CCNT1: variants seen among roughly 807,000 people sequenced by gnomAD.
CCNT1 encodes the protein cyclin T1.
A neutral mutation model predicts 67.3 loss-of-function variants in CCNT1; 18 were observed. The observed-to-expected ratio is 0.27, with a 90% CI of 0.18 to 0.40. The LOEUF (loss-of-function observed/expected upper bound fraction) is 0.40. Ranked by LOEUF, CCNT1 falls within the 10% of genes least tolerant of loss-of-function variation. The pLI, the probability that CCNT1 is intolerant of heterozygous loss-of-function variation, is 1.00. For missense variants in CCNT1, 744 were observed against 884.9 expected (o/e 0.84, Z 2.02); for synonymous variants, 333 against 310.3 (o/e 1.07, Z -0.77).
At position 48,716,569 on chromosome 12, in the gene CCNT1, G is replaced by T. The variant is rs1050544434; in HGVS notation, c.107C>A (p.Ser36Tyr). Residue 36 changes from serine (S) to tyrosine (Y), a missense_variant, in exon 1 of 9, where the codon TCT becomes TAT. By Grantham distance (144) the Ser-to-Tyr change is moderately radical. This residue lies in a region of CCNT1 where 142 missense variants were observed against 277.0 expected (regional missense o/e 0.51). Coordinates refer to ENST00000261900, the MANE Select transcript of CCNT1 (RefSeq NM_001240.4). ...CAGATTGGCCGCCTGCTGGCGATAA[G>T]AAAGTTCTTTATCTGGGTCCACGCC... ...RFGVDPDKEL[S>Y]YRQQAANLLQ... 1 of 1,614,194 alleles carries T rather than the reference G, an allele frequency of 6.2e-7. No individual in the cohort carries two copies. Among genetic ancestry groups the T allele is most frequent in the Non-Finnish European group, 8.5e-7 (1 of 1,180,004 alleles).
rs1170065566 is a variant in CCNT1 at position 48,692,999 on chromosome 12, A to G, written c.*34T>C. ...AAAAAGAAAAATTATGTGTTTTTTT[A>G]AAGAAGTTTTTTTCTCCTCTTCTTT... On this transcript the variant is annotated 3_prime_UTR_variant, in exon 9 of 9. Transcript: ENST00000261900. 4.4e-6 allele frequency: 6 copies of G among 1,366,668 alleles called. No individual in the cohort carries two copies. The Admixed American group carries it at 1.1e-4, about 25-fold the overall frequency. 84.7% of individuals were successfully genotyped at this position (1,366,668 alleles called of 1,614,324 possible). A position where few individuals can be genotyped will look rare whatever the true frequency, so the allele number is the denominator to read the frequency against.
intron 2 of CCNT1, among the ~76,000 whole-genome samples, chr12:48,708,569 T>TTA (rs1383710080): frequency 2.6e-5 from 4 of 151,434 alleles, no homozygotes; most frequent in Non-Finnish European, 4.4e-5. Context: ...AAAAAAAAGT[T>TTA]TAGACACTAG....
rs1341867143 is a variant in CCNT1, at chr12:48,689,084, T to G, written c.*3949A>C. ...ATACTTGCTCTGGCTTCAATTAGCA[T>G]GCTGTCAAGCATCCCTCTCCATGCT... On this transcript the variant is annotated 3_prime_UTR_variant, in exon 9 of 9. Coordinates refer to ENST00000261900, the MANE Select transcript of CCNT1 (RefSeq NM_001240.4). The G allele has an allele frequency of 6.6e-6, 1 of 152,228 alleles. No individual in the cohort carries two copies. Among genetic ancestry groups the G allele is most frequent in the Non-Finnish European group, 1.5e-5 (1 of 68,040 alleles). 9.4% of individuals were successfully genotyped at this position (152,228 alleles called of 1,614,324 possible).
intron 4 of CCNT1, among the ~76,000 whole-genome samples, 188 bp from the exon 5 acceptor site, chr12:48,700,028 G>T (rs1021114142): frequency 3.9e-5 from 6 of 151,922 alleles, no homozygotes; most frequent in Non-Finnish European, 8.8e-5. Context: ...TAAGAAAAAA[G>T]TTAACTAGAG....
Position 48,691,852 on chromosome 12 carries a change from A to G in CCNT1, c.*1181T>C, listed in dbSNP as rs535198860. 11 of 152,328 alleles carry G rather than the reference A, an allele frequency of 7.2e-5. No homozygotes were observed. In the South Asian group the frequency reaches 2.1e-3, roughly 29 times the overall value. 9.4% of individuals were successfully genotyped at this position (152,328 alleles called of 1,614,324 possible). A position where few individuals can be genotyped will look rare whatever the true frequency, so the allele number is the denominator to read the frequency against. On this transcript the variant is annotated 3_prime_UTR_variant, in exon 9 of 9. Coordinates refer to ENST00000261900, the MANE Select transcript of CCNT1 (RefSeq NM_001240.4). ...AAAGCATGTCTTACATTTATAATGT[A>G]ATTTTTAAAACAATGTTCTAAACTT...
At chr12:48,697,058 TCC>T (rs1300437877) in intron 6 of CCNT1, among the ~76,000 whole-genome samples, 1 of 152,084 alleles carries the variant, frequency 6.6e-6, no homozygotes, top group Non-Finnish European at 1.5e-5. Flanking sequence ...GGTCTCGAAC[TCC>T]TAGCCTCAAG....
chr12:48,693,275 T>G lies in CCNT1; in HGVS notation c.1939A>C (p.Asn647His). 6.2e-7 allele frequency: 1 copy of G among 1,614,248 alleles called. No homozygotes were observed. Among genetic ancestry groups the G allele is most frequent in the Non-Finnish European group, 8.5e-7 (1 of 1,180,036 alleles). ...SKLDKGPTGANGHNTTQTIDY... is the reference protein window; with the variant it reads ...SKLDKGPTGAHGHNTTQTIDY... ...ATTGTCTGGGTCGTGTTGTGACCAT[T>G]GGCCCCAGTGGGCCCTTTATCCAGT... Residue 647 changes from asparagine to histidine, a missense_variant, in exon 9 of 9, where the codon AAT becomes CAT. This residue lies in a region of CCNT1 where 564 missense variants were observed against 574.2 expected (regional missense o/e 0.98). Coordinates refer to ENST00000261900, the MANE Select transcript of CCNT1 (RefSeq NM_001240.4).
At chr12:48,695,244 T>C (rs964089660) in intron 8 of CCNT1, among the ~76,000 whole-genome samples, 17 of 152,220 alleles carry the variant, frequency 1.1e-4, no homozygotes, top group Non-Finnish European at 4.4e-5. Flanking sequence ...AATGGAAACA[T>C]TTTAAAACAA....
chr12:48,711,334 G>A (rs1023183938), intron 2 of CCNT1, among the ~76,000 whole-genome samples: 2 of 151,530 alleles, frequency 1.3e-5, no homozygotes, highest in Non-Finnish European at 2.9e-5. Flanking sequence ...GAGCTCAGAT[G>A]GCGCCATTGC....
Position 48,700,565 on chromosome 12 carries a change from C to CA in CCNT1, c.433+447dup, listed in dbSNP as rs1565617828. Among the ~76,000 whole-genome samples the CA allele has an allele frequency of 1.3e-5, 2 of 152,072 alleles. 1 individual carries two copies. The highest frequency in any genetic ancestry group is 2.9e-5 in the Non-Finnish European group (2 of 68,016). On this transcript the variant is annotated intron_variant, in intron 4 of 8. Transcript: ENST00000261900. Reference sequence around the variant, plus strand: ...AAGGCAGCCTGTGTGATGAAAATAACAGATAATAACACAATATCATCAGAG... The same window carrying CA: ...AAGGCAGCCTGTGTGATGAAAATAACAAGATAATAACACAATATCATCAGAG...
intron 6 of CCNT1, among the ~76,000 whole-genome samples, chr12:48,696,492 A>G (rs1170044364): frequency 3.3e-5 from 5 of 151,954 alleles, no homozygotes; most frequent in African/African-American, 1.2e-4. Flanking sequence ...CTTCTGGGCC[A>G]GTATTCAAGC....
chr12:48,715,820 G>A (rs11830884), intron 1 of CCNT1, among the ~76,000 whole-genome samples: 3,145 of 152,164 alleles, frequency 0.021, 109 homozygotes, highest in African/African-American at 0.07. Flanking sequence ...TTAAGGACCC[G>A]GTATTTTGTA....
chr12:48,709,094 G>T (rs548817769), intron 2 of CCNT1, among the ~76,000 whole-genome samples: 2 of 152,062 alleles, frequency 1.3e-5, no homozygotes, highest in African/African-American at 2.4e-5. Context: ...GGTTGGGGGG[G>T]ACTATAACTA....
intron 2 of CCNT1, among the ~76,000 whole-genome samples, chr12:48,707,247 CA>C (rs1263604673): frequency 1.3e-5 from 2 of 150,688 alleles, no homozygotes; most frequent in Admixed American, 6.6e-5. Context: ...TAGTTAAATA[CA>C]TTAGATAATC....
At chr12:48,714,664 A>T (rs1940506610) in intron 1 of CCNT1, 140 bp from the exon 2 acceptor site, 1 of 592,270 alleles carries the variant, frequency 1.7e-6, no homozygotes, top group African/African-American at 1.9e-5. Context: ...TCCAAATCAA[A>T]GAATATGTCT....
At chr12:48,710,884 A>G (rs1420498865) in intron 2 of CCNT1, among the ~76,000 whole-genome samples, 2 of 152,148 alleles carry the variant, frequency 1.3e-5, no homozygotes, top group African/African-American at 2.4e-5. Flanking sequence ...AAGATGGTGA[A>G]ACCCCGTCTC....
rs1940365941 is a variant in CCNT1, at chr12:48,706,729, T to C, written c.244-833A>G. On this transcript the variant is annotated intron_variant, in intron 2 of 8. Transcript: ENST00000261900. ...TTTCACCAGGAGTCAAAGAAATACATAAATAATTTTACAGAATTTAAATAT... is the reference window on the plus strand; with the variant it reads ...TTTCACCAGGAGTCAAAGAAATACACAAATAATTTTACAGAATTTAAATAT... Among the ~76,000 whole-genome samples, 2 of 152,134 alleles carry C rather than the reference T, an allele frequency of 1.3e-5. 1 individual carries two copies. Among genetic ancestry groups the C allele is most frequent in the Admixed American group, 1.3e-4 (2 of 15,260 alleles).
In CCNT1 at chr12:48,691,336, A is replaced by G. The variant is rs1229242309; in HGVS notation, c.*1697T>C. The G allele has an allele frequency of 6.6e-6, 1 of 152,198 alleles. No individual in the cohort carries two copies. The highest frequency in any genetic ancestry group is 1.5e-5 in the Non-Finnish European group (1 of 68,038). 9.4% of individuals were successfully genotyped at this position (152,198 alleles called of 1,614,324 possible). A position where few individuals can be genotyped will look rare whatever the true frequency, so the allele number is the denominator to read the frequency against. ...ACTCCTGTCTCCCTATGACTTCCAA[A>G]TGAAAAATAATTCGACCTCTCCCTA... On this transcript the variant is annotated 3_prime_UTR_variant, in exon 9 of 9. Transcript: ENST00000261900.
intron 2 of CCNT1, among the ~76,000 whole-genome samples, chr12:48,713,134 CA>C: frequency 6.6e-6 from 1 of 150,976 alleles, no homozygotes; most frequent in South Asian, 2.1e-4. Context: ...TAATTCTGTA[CA>C]AAAAAATAAA....
Sources: gnomAD v4.1 joint callset for allele counts (sites outside exome capture counted in the v4.1 genomes callset) on GRCh38, gnomAD v4.1.1 for gene constraint, gnomAD v4.1.1 regional missense constraint, MANE v1.5 for transcripts, NCBI Gene and HGNC (gene_info 2026-07-23, HGNC 2026-07-21) for gene names.